The following TIMELESS variants were observed in gnomAD, a reference collection of about 807,000 sequenced individuals.
TIMELESS encodes protein timeless homolog.
Under a neutral mutation model 164.3 loss-of-function variants are expected in TIMELESS, and 124 were observed. That is an observed-to-expected ratio of 0.75 (90% CI 0.65 to 0.88). TIMELESS has a LOEUF of 0.88. TIMELESS is among the 40% of genes least tolerant of loss of function. The pLI, the probability that TIMELESS is intolerant of heterozygous loss-of-function variation, is 0.00. For missense variants in TIMELESS, 1,422 were observed against 1,491.4 expected (o/e 0.95, Z 0.77); for synonymous variants, 564 against 563.4 (o/e 1.00, Z -0.02).
At chr12:56,441,099 T>A (rs1432567149) in intron 1 of TIMELESS, among the ~76,000 whole-genome samples, 1 of 152,204 alleles carries the variant, frequency 6.6e-6, no homozygotes, top group African/African-American at 2.4e-5. Flanking sequence ...ATTACGGGCA[T>A]GAGCCACTGC....
rs1024022519 is a variant in TIMELESS, at chr12:56,432,657, C to G, written c.532-133G>C. On this transcript the variant is annotated intron_variant, in intron 6 of 28. Coordinates refer to ENST00000553532, the MANE Select transcript of TIMELESS (RefSeq NM_003920.5). ...AGAGGACAGAATAGCCCAAAAAGGG[C>G]AGCTTGGCCGGGCGCGGTGGCTCAC... The G allele has an allele frequency of 2.3e-6, 3 of 1,315,682 alleles. No homozygotes were observed. In the African/African-American group the frequency reaches 4.4e-5, roughly 19 times the overall value. The allele number at this position is 1,315,682 out of a possible 1,614,324, so 81.5% of individuals were successfully genotyped here.
intron 1 of TIMELESS, among the ~76,000 whole-genome samples, chr12:56,439,939 CTT>C (rs1868252047): frequency 6.6e-6 from 1 of 152,044 alleles, no homozygotes; most frequent in Non-Finnish European, 1.5e-5. Context: ...CAGGTGAGAA[CTT>C]TGTCAAACAC....
At chr12:56,442,177 A>C (rs1368432080) in intron 1 of TIMELESS, among the ~76,000 whole-genome samples, 1 of 126,634 alleles carries the variant, frequency 7.9e-6, no homozygotes, top group Non-Finnish European at 1.9e-5. Context: ...CAAGCTCTAA[A>C]TACGTGATAC....
intron 1 of TIMELESS, among the ~76,000 whole-genome samples, chr12:56,445,662 G>A (rs1472273104): frequency 2.6e-5 from 4 of 151,336 alleles, no homozygotes; most frequent in Non-Finnish European, 4.4e-5. Flanking sequence ...CGCTTGAGGC[G>A]GAGGTTGCAG....
chr12:56,418,842 C>T (rs1029524887), intron 26 of TIMELESS, among the ~76,000 whole-genome samples: 5 of 151,796 alleles, frequency 3.3e-5, no homozygotes, highest in Admixed American at 6.6e-5. Flanking sequence ...GCTGGGATTA[C>T]AGGCATGAGC....
intron 1 of TIMELESS, among the ~76,000 whole-genome samples, chr12:56,445,814 CCTT>C (rs1332554223): frequency 1.3e-5 from 2 of 152,098 alleles, no homozygotes; most frequent in Non-Finnish European, 2.9e-5. Context: ...TGCTGTCTAT[CCTT>C]CTATCCCAAT....
rs1233309021 is a variant in TIMELESS at position 56,429,015 on chromosome 12, G to A, written c.1172C>T (p.Ala391Val). Residue 391 changes from alanine (A) to valine (V), a missense_variant, in exon 11 of 29, where the codon GCT (alanine) becomes GTT (valine). By Grantham distance (64) the Ala-to-Val change is moderately conservative. Coordinates refer to ENST00000553532, the MANE Select transcript of TIMELESS (RefSeq NM_003920.5). ...AACCAGGCCTGGCCGGAAGGAGGCA[G>A]CTCGGTTGAAGGCCATGAAGAAAGC... ...ALAFFMAFNR[A>V]ASFRPGLVSE... The A allele has an allele frequency of 8.1e-6, 13 of 1,614,046 alleles. No individual in the cohort carries two copies. Among genetic ancestry groups the A allele is most frequent in the Non-Finnish European group, 1.0e-5 (12 of 1,180,022 alleles).
At chr12:56,432,661 T>G (rs1592251734) in intron 6 of TIMELESS, 137 bp from the exon 7 acceptor site, 2 of 1,266,574 alleles carry the variant, frequency 1.6e-6, no homozygotes, top group Admixed American at 2.5e-5. Flanking sequence ...AAAGGGCAGC[T>G]TGGCCGGGCG....
chr12:56,427,125 G>GTTTTTGT (rs1045346200), intron 13 of TIMELESS, among the ~76,000 whole-genome samples: 54 of 150,744 alleles, frequency 3.6e-4, no homozygotes, highest in African/African-American at 1.3e-3. Context: ...CTGGTGAATT[G>GTTTTTGT]TTTTTGTTTT....
intron 1 of TIMELESS, among the ~76,000 whole-genome samples, chr12:56,435,320 C>T (rs1476033310): frequency 6.6e-6 from 1 of 151,632 alleles, no homozygotes; most frequent in Non-Finnish European, 1.5e-5. Context: ...GAAACTGGTA[C>T]ATTCCCTATC....
At position 56,425,098 on chromosome 12, in the gene TIMELESS, C is replaced by G; in HGVS notation, c.1633G>C (p.Val545Leu). ...GGGCTAGATGGGACATTACCAGAAA[C>G]AATGGCCTGGTCTAGGACCTTCTTC... is the stretch of plus-strand genomic sequence containing the variant. ...KKKKVLDQAI[V>L]SGNVPSSPEE... The change falls in exon 14 of 29, where the codon GTT becomes CTT. Residue 545 changes from valine (V) to leucine (L), a missense_variant. Physicochemically the swap from Val to Leu is conservative, Grantham distance 32 (BLOSUM62 1). Transcript: ENST00000553532. The G allele has an allele frequency of 6.2e-7, 1 of 1,614,148 alleles. No homozygotes were observed. Among genetic ancestry groups the G allele is most frequent in the Non-Finnish European group, 8.5e-7 (1 of 1,180,040 alleles).
chr12:56,443,491 C>A (rs1035828683), intron 1 of TIMELESS, among the ~76,000 whole-genome samples: 1 of 152,112 alleles, frequency 6.6e-6, no homozygotes, highest in African/African-American at 2.4e-5. Context: ...CAATGTGTGC[C>A]CAGTGGGACA....
chr12:56,421,120 C>T lies in TIMELESS; in HGVS notation c.2883G>A (p.Glu961=). 6.2e-7 allele frequency: 1 copy of T among 1,614,116 alleles called. No individual in the cohort carries two copies. Among genetic ancestry groups the T allele is most frequent in the Non-Finnish European group, 8.5e-7 (1 of 1,180,036 alleles). ...LASSILPNGA[E]SLKDFCQEDL... The stretch of plus-strand genomic sequence containing the variant: ...CTTCCTGGCAAAAATCTTTCAGGGA[C>T]TCCGCTCCATTTGGCTAAAATTCAT... The change falls in exon 24 of 29, where the codon GAG becomes GAA. Residue 961 remains glutamate, a synonymous_variant. Coordinates refer to ENST00000553532, the MANE Select transcript of TIMELESS (RefSeq NM_003920.5).
Position 56,421,924 on chromosome 12 carries a change from C to T in TIMELESS, c.2617G>A (p.Ala873Thr). The T allele has an allele frequency of 6.2e-7, 1 of 1,614,172 alleles. No individual in the cohort carries two copies. ...CTTTGGAAGTCCTTGACACTGTCAG[C>T]CAGTCCCATCTGTACCAGATGGTGG... ...IIHHLVQMGL[A>T]DSVKDFQRKG... is the part of the protein sequence containing the mutation. Residue 873 changes from alanine (A) to threonine (T), a missense_variant, in exon 21 of 29, where the codon GCT becomes ACT. Physicochemically the swap from Ala to Thr is moderately conservative, Grantham distance 58. Transcript: ENST00000553532.
chr12:56,445,420 G>A (rs1360385746), intron 1 of TIMELESS, among the ~76,000 whole-genome samples: 1 of 24,202 alleles, frequency 4.1e-5, no homozygotes, highest in African/African-American at 1.1e-4. Context: ...GAAACTCCAC[G>A]TCAAAAAAAA....
chr12:56,442,758 G>A (rs56248317), intron 1 of TIMELESS, among the ~76,000 whole-genome samples: 11,198 of 152,220 alleles, frequency 0.074, 1,349 homozygotes, highest in African/African-American at 0.25. Flanking sequence ...CAGGGACCCC[G>A]AATGGAGAGA....
intron 12 of TIMELESS, 68 bp downstream of exon 12, chr12:56,428,481 C>A: frequency 6.2e-7 from 1 of 1,608,496 alleles, no homozygotes; most frequent in East Asian, 2.2e-5. Context: ...GAAGCTGGGA[C>A]TGGGAAGAAT....
intron 1 of TIMELESS, among the ~76,000 whole-genome samples, chr12:56,435,199 C>A (rs144181039): frequency 6.6e-6 from 1 of 152,062 alleles, no homozygotes; most frequent in African/African-American, 2.4e-5. Context: ...TGAGACACTG[C>A]GAATGTGTAG....
chr12:56,421,596 T>C, intron 22 of TIMELESS, 103 bp from the exon 23 acceptor site: 2 of 1,523,126 alleles, frequency 1.3e-6, no homozygotes, highest in Non-Finnish European at 1.8e-6. Flanking sequence ...CATCCAAAAA[T>C]GACACTTACA....
Sources: gnomAD v4.1 joint callset for allele counts (sites outside exome capture counted in the v4.1 genomes callset) on GRCh38, gnomAD v4.1.1 for gene constraint, MANE v1.5 for transcripts, NCBI Gene and HGNC (gene_info 2026-07-23, HGNC 2026-07-21) for gene names.